The following PRKCZ variants were observed in gnomAD, a reference collection of about 807,000 sequenced individuals.
PRKCZ encodes the protein protein kinase C zeta.
A neutral mutation model predicts 79.5 loss-of-function variants in PRKCZ; 33 were observed. That is an observed-to-expected ratio of 0.41 (90% CI 0.31 to 0.55). The LOEUF is 0.55. Among genes scored for constraint, PRKCZ ranks in the 20% least tolerant of loss-of-function variants. The pLI, the probability that PRKCZ is intolerant of heterozygous loss-of-function variation, is 0.19. For synonymous variants in PRKCZ, 342 were observed against 320.9 expected, an observed-to-expected ratio of 1.07 and a Z score of -0.70; for missense variants, 578 against 813.5, an observed-to-expected ratio of 0.71 and a Z score of 3.52.
At chr1:2,143,433 G>T (rs1269921657) in intron 5 of PRKCZ, 1 of 152,234 alleles carries the variant, frequency 6.6e-6, no homozygotes, top group East Asian at 1.9e-4. Context: ...GCTGTGTCTG[G>T]AAAGAATCTG....
At chr1:2,135,727 C>T (rs1434621797) in intron 5 of PRKCZ, among the ~76,000 whole-genome samples, 5 of 152,242 alleles carry the variant, frequency 3.3e-5, no homozygotes, top group Non-Finnish European at 7.3e-5. Context: ...ACAGTGTTGC[C>T]TAGTAGCTAA....
intron 7 of PRKCZ, among the ~76,000 whole-genome samples, chr1:2,148,603 A>T (rs1168214315): frequency 6.6e-6 from 1 of 152,146 alleles, no homozygotes; most frequent in Non-Finnish European, 1.5e-5. Context: ...TAGACACCAA[A>T]ATCCGGTGAC....
At chr1:2,131,828 T>G (rs1675015037) in intron 4 of PRKCZ, among the ~76,000 whole-genome samples, 1 of 152,250 alleles carries the variant, frequency 6.6e-6, no homozygotes, top group Non-Finnish European at 1.5e-5. Flanking sequence ...TTGTTTTTGT[T>G]TTTGAGAGAG....
rs535457392 is a variant in PRKCZ, at chr1:2,172,898, T to C, written c.1285+510T>C. ...TGTGTGCGTGTGTGAAACGGGGACG[T>C]GGGCACGCGTGTGCAGCCGTGTGTG... On this transcript the variant is annotated intron_variant, in intron 13 of 17. Transcript: ENST00000378567. The surrounding 1 kb of genome is among the most constrained non-coding windows in gnomAD (Gnocchi z 7.8). Among the ~76,000 whole-genome samples, 1 of 150,394 alleles carries C rather than the reference T, an allele frequency of 6.6e-6. No individual in the cohort carries two copies. Among genetic ancestry groups the C allele is most frequent in the South Asian group, 2.1e-4 (1 of 4,762 alleles).
chr1:2,052,170 C>T (rs1659727538), intron 1 of PRKCZ, among the ~76,000 whole-genome samples: 1 of 152,196 alleles, frequency 6.6e-6, no homozygotes, highest in Non-Finnish European at 1.5e-5. Context: ...GGGAGGTCCA[C>T]ACCCGAGGGG....
intron 1 of PRKCZ, among the ~76,000 whole-genome samples, chr1:2,053,043 C>T (rs964230633): frequency 5.3e-5 from 8 of 152,008 alleles, no homozygotes; most frequent in South Asian, 2.1e-4. Context: ...CAGACTCCCA[C>T]GCTGAGTCTC....
At chr1:2,152,881 G>A (rs1306469588) in intron 9 of PRKCZ, among the ~76,000 whole-genome samples, 2 of 152,258 alleles carry the variant, frequency 1.3e-5, no homozygotes, top group African/African-American at 4.8e-5. Context: ...ACGTTTGTGC[G>A]TGCACCTGCC....
chr1:2,074,660 G>C, intron 4 of PRKCZ: 1 of 359,554 alleles, frequency 2.8e-6, no homozygotes, highest in Non-Finnish European at 5.2e-6. Context: ...GTTGGAGTCT[G>C]GGTGGCACAG....
intron 4 of PRKCZ, among the ~76,000 whole-genome samples, chr1:2,102,568 G>A (rs1027295526): frequency 3.0e-4 from 45 of 152,170 alleles, no homozygotes; most frequent in East Asian, 1.7e-3. Context: ...TCCTGACCTC[G>A]TGATCCGCCC....
In PRKCZ at chr1:2,094,140, C is replaced by A. The variant is rs1032239954; in HGVS notation, c.334+34549C>A. ...GAACCTTCTGCCTGATGCACAACCT[C>A]AGAGCCCTCCGTCGCCATCCCTCCC... On this transcript the variant is annotated intron_variant, in intron 4 of 17. Coordinates refer to ENST00000378567, the MANE Select transcript of PRKCZ (RefSeq NM_002744.6). The surrounding 1 kb of genome is among the most constrained non-coding windows in gnomAD (Gnocchi z 7.3). Among the ~76,000 whole-genome samples, 1 of 152,174 alleles carries A rather than the reference C, an allele frequency of 6.6e-6. No homozygotes were observed. Among genetic ancestry groups the A allele is most frequent in the Non-Finnish European group, 1.5e-5 (1 of 68,038 alleles).
chr1:2,124,496 C>A (rs187653245), intron 4 of PRKCZ, among the ~76,000 whole-genome samples: 1 of 151,920 alleles, frequency 6.6e-6, no homozygotes, highest in Non-Finnish European at 1.5e-5. Context: ...GGTTGTGCTG[C>A]GCCTGTGCTC....
chr1:2,184,934 G>C lies in PRKCZ; in HGVS notation c.1704G>C (p.Lys568Asn). ...CCTTTGCCCACAGGGATGCCATAAA[G>C]AGGATCGACCAGTCAGAGTTCGAAG... Reference protein sequence around the residue: ...QLTPDDEDAIKRIDQSEFEGF... With the variant: ...QLTPDDEDAINRIDQSEFEGF... The change falls in exon 18 of 18, where the codon AAG (lysine) becomes AAC (asparagine). Residue 568 changes from lysine (K) to asparagine (N), a missense_variant. Lys to Asn is a moderately conservative substitution (Grantham distance 94). Transcript: ENST00000378567. 6.2e-7 allele frequency: 1 copy of C among 1,613,888 alleles called. No homozygotes were observed. The highest frequency in any genetic ancestry group is 8.5e-7 in the Non-Finnish European group (1 of 1,179,936).
At chr1:2,158,128 C>T (rs542015325) in intron 10 of PRKCZ, among the ~76,000 whole-genome samples, 45 of 152,332 alleles carry the variant, frequency 3.0e-4, no homozygotes, top group Admixed American at 2.8e-3. Context: ...ACCTGCTCTA[C>T]GTGCGGTGCC....
At chr1:2,074,481 T>A (rs1350630565) in intron 4 of PRKCZ, among the ~76,000 whole-genome samples, 1 of 152,222 alleles carries the variant, frequency 6.6e-6, no homozygotes, top group Admixed American at 6.5e-5. Context: ...GTCTCCATTC[T>A]GCATTGCTGC....
intron 6 of PRKCZ, chr1:2,144,718 A>T: frequency 2.3e-6 from 2 of 853,164 alleles, no homozygotes; most frequent in Non-Finnish European, 2.9e-6. Context: ...TGAGGCTCCG[A>T]ACATCTGGAG....
intron 4 of PRKCZ, among the ~76,000 whole-genome samples, chr1:2,064,378 C>G (rs1218853276): frequency 1.3e-5 from 2 of 152,114 alleles, no homozygotes; most frequent in African/African-American, 4.8e-5. Flanking sequence ...TTCCTGAAAT[C>G]CTGCTTAATG....
In PRKCZ at chr1:2,174,654, G is replaced by A. The variant is rs1685099202; in HGVS notation, c.1406-100G>A. On this transcript the variant is annotated intron_variant, in intron 14 of 17. Transcript: ENST00000378567. The surrounding 1 kb of genome is among the most constrained non-coding windows in gnomAD (Gnocchi z 6.2). Reference sequence around the variant, plus strand: ...GAAGGGAGGGGCTCCGGGGCCCCAAGGCTGAGCTCCCAAAGCTCTTGCTCA... The same window carrying A: ...GAAGGGAGGGGCTCCGGGGCCCCAAAGCTGAGCTCCCAAAGCTCTTGCTCA... 7.6e-7 allele frequency: 1 copy of A among 1,311,258 alleles called. No individual in the cohort carries two copies. The highest frequency in any genetic ancestry group is 1.1e-6 in the Non-Finnish European group (1 of 932,774). The allele number at this position is 1,311,258 out of a possible 1,614,324, so 81.2% of individuals were successfully genotyped here.
chr1:2,051,290 G>A (rs1659623111), intron 1 of PRKCZ, among the ~76,000 whole-genome samples: 1 of 152,202 alleles, frequency 6.6e-6, no homozygotes, highest in African/African-American at 2.4e-5. Flanking sequence ...GGCTGTGGGA[G>A]GGGGCGCGGT....
rs978619320 is a variant in PRKCZ at position 2,174,509 on chromosome 1, G to T, written c.1406-245G>T. Among the ~76,000 whole-genome samples the T allele has an allele frequency of 7.9e-5, 12 of 152,376 alleles. No homozygotes were observed. In the East Asian group the frequency reaches 2.3e-3, roughly 29 times the overall value. On this transcript the variant is annotated intron_variant, in intron 14 of 17. Transcript: ENST00000378567. The surrounding 1 kb of genome is among the most constrained non-coding windows in gnomAD (Gnocchi z 6.2). ...GGCACCCGTGTACCTGCGATCTTGG[G>T]GCTGAGGAAGGGGAGCTGCTGGTTC...
Sources: gnomAD v4.1 joint callset for allele counts (sites outside exome capture counted in the v4.1 genomes callset) on GRCh38, gnomAD v4.1.1 for gene constraint, Gnocchi (gnomAD v3.1) non-coding constraint, MANE v1.5 for transcripts, NCBI Gene and HGNC (gene_info 2026-07-23, HGNC 2026-07-21) for gene names.